DPP10: variants seen among roughly 807,000 people sequenced by gnomAD.
The protein encoded by DPP10 is dipeptidyl peptidase like 10, also known as inactive dipeptidyl peptidase 10.
In DPP10, 33 loss-of-function variants were observed where a neutral mutation model predicts 120.9. That is an observed-to-expected ratio of 0.27 (90% CI 0.21 to 0.37). DPP10 has a LOEUF of 0.37. Among genes scored for constraint, DPP10 ranks in the 10% least tolerant of loss-of-function variants. The probability of loss-of-function intolerance (pLI) is 1.00; values close to 1 mark genes in which losing one functional copy is unlikely to be tolerated. For missense variants in DPP10, 816 were observed against 942.8 expected (o/e 0.87, Z 1.76); for synonymous variants, 337 against 326.1 (o/e 1.03, Z -0.36).
At chr2:114,901,113 T>C (rs1693528362) in intron 1 of DPP10, among the ~76,000 whole-genome samples, 1 of 152,180 alleles carries the variant, frequency 6.6e-6, no homozygotes, top group Non-Finnish European at 1.5e-5. Context: ...AAATCAGTGA[T>C]GGTTTACAAA....
intron 3 of DPP10, among the ~76,000 whole-genome samples, chr2:115,354,781 A>G (rs1475043098): frequency 6.6e-6 from 1 of 151,218 alleles, no homozygotes; most frequent in African/African-American, 2.4e-5. Context: ...ACTCCCACTT[A>G]TGAGTGAGAA....
At chr2:114,942,370 T>TAC (rs1263621354) in intron 1 of DPP10, among the ~76,000 whole-genome samples, 1 of 85,468 alleles carries the variant, frequency 1.2e-5, no homozygotes, top group Non-Finnish European at 2.2e-5. Context: ...TACATATATA[T>TAC]ACACACACAT....
chr2:115,018,020 A>G (rs1411546971), intron 1 of DPP10, among the ~76,000 whole-genome samples: 2 of 152,044 alleles, frequency 1.3e-5, no homozygotes, highest in African/African-American at 4.8e-5. Flanking sequence ...AAAAAAAGAG[A>G]AAAACAACCC....
chr2:114,841,539 T>G (rs2222284), intron 1 of DPP10, among the ~76,000 whole-genome samples: 147,796 of 152,136 alleles, frequency 0.97, 71,942 homozygotes, highest in Middle Eastern at 1. Flanking sequence ...AGTCAGAGAA[T>G]GGGGAGAGAT....
intron 1 of DPP10, among the ~76,000 whole-genome samples, chr2:115,048,743 T>G (rs914361626): frequency 6.6e-6 from 1 of 152,122 alleles, no homozygotes; most frequent in African/African-American, 2.4e-5. Flanking sequence ...ATATGTATTC[T>G]CCTACACTTT....
At chr2:114,706,810 G>C (rs1281645784) in intron 1 of DPP10, among the ~76,000 whole-genome samples, 4 of 152,190 alleles carry the variant, frequency 2.6e-5, no homozygotes, top group Non-Finnish European at 5.9e-5. Flanking sequence ...TGGAGGAGCA[G>C]AGTTTCTAGG....
intron 1 of DPP10, among the ~76,000 whole-genome samples, chr2:114,499,953 T>C (rs1683014893): frequency 6.6e-6 from 1 of 152,228 alleles, no homozygotes; most frequent in African/African-American, 2.4e-5. Context: ...TCTGAGGAGC[T>C]AACTTTCACT....
intron 1 of DPP10, among the ~76,000 whole-genome samples, chr2:115,285,116 G>A (rs563044403): frequency 2.3e-4 from 35 of 152,140 alleles, no homozygotes; most frequent in Non-Finnish European, 4.1e-4. Flanking sequence ...CTGTGAATGA[G>A]AAAGCTAAGA....
intron 1 of DPP10, among the ~76,000 whole-genome samples, chr2:114,956,217 C>T (rs1053309359): frequency 3.9e-5 from 6 of 151,980 alleles, no homozygotes; most frequent in East Asian, 3.9e-4. Flanking sequence ...ACCACAAAAC[C>T]GTCAGAACTA....
At chr2:115,336,007 A>G (rs1329612956) in intron 2 of DPP10, among the ~76,000 whole-genome samples, 1 of 152,048 alleles carries the variant, frequency 6.6e-6, no homozygotes, top group African/African-American at 2.4e-5. Flanking sequence ...TTTGAATAGG[A>G]TTTAAATTAA....
chr2:114,686,823 C>G, intron 1 of DPP10, among the ~76,000 whole-genome samples: 1 of 151,916 alleles, frequency 6.6e-6, no homozygotes, highest in Admixed American at 6.6e-5. Flanking sequence ...AAGAGTCGTT[C>G]TATTTAACAT....
At chr2:114,602,418 A>G (rs1692448015) in intron 1 of DPP10, among the ~76,000 whole-genome samples, 1 of 151,904 alleles carries the variant, frequency 6.6e-6, no homozygotes, top group Non-Finnish European at 1.5e-5. Context: ...CCAATATTGG[A>G]ATATAAATTG....
intron 1 of DPP10, among the ~76,000 whole-genome samples, chr2:114,582,895 A>T (rs1690652558): frequency 1.3e-5 from 2 of 152,116 alleles, no homozygotes; most frequent in South Asian, 4.1e-4. Flanking sequence ...TACAGGTTTG[A>T]CTTGTGTACG....
In DPP10 at chr2:115,379,836, C is replaced by A. The variant is rs1453131548; in HGVS notation, c.271+35924C>A. On this transcript the variant is annotated intron_variant, in intron 3 of 25. Transcript: ENST00000410059. The stretch of plus-strand genomic sequence containing the variant: ...CCCAGTAGTCATTCAGGAGCAGGTT[C>A]TTCAGTTTCCATGGAGTTGAGCGGT... 2.0e-5 allele frequency among the ~76,000 whole-genome samples: 3 copies of A among 152,202 alleles called. No homozygotes were observed. In the East Asian group the frequency reaches 5.8e-4, roughly 29 times the overall value.
chr2:115,574,111 C>T (rs1233074112), intron 5 of DPP10, among the ~76,000 whole-genome samples: 1 of 152,090 alleles, frequency 6.6e-6, no homozygotes, highest in East Asian at 1.9e-4. Flanking sequence ...TCACTTCATT[C>T]TTCCCTCCAC....
At chr2:114,967,940 G>A (rs943167575) in intron 1 of DPP10, among the ~76,000 whole-genome samples, 2 of 152,018 alleles carry the variant, frequency 1.3e-5, no homozygotes, top group African/African-American at 4.8e-5. Context: ...TAGGCTTATC[G>A]AATAAAAATC....
intron 1 of DPP10, among the ~76,000 whole-genome samples, chr2:114,519,656 C>T (rs887889239): frequency 6.6e-6 from 1 of 152,126 alleles, no homozygotes; most frequent in African/African-American, 2.4e-5. Context: ...CATTATTAGC[C>T]CAGTTCTAAA....
intron 25 of DPP10, among the ~76,000 whole-genome samples, chr2:115,841,861 T>A (rs1325472182): frequency 6.6e-6 from 1 of 152,262 alleles, no homozygotes; most frequent in East Asian, 1.9e-4. Flanking sequence ...TGGAAAGTTT[T>A]CTAAACTAAA....
At position 115,007,155 on chromosome 2, in the gene DPP10, C is replaced by G. The variant is rs143967126; in HGVS notation, c.61-302084C>G. ...ACGAAATGAAGGCATCCTTGATGAA[C>G]ATTGATGCAAAAATCCTCAATAAAA... On this transcript the variant is annotated intron_variant, in intron 1 of 25. Coordinates refer to ENST00000410059, the MANE Select transcript of DPP10 (RefSeq NM_020868.6). 1.4e-3 allele frequency among the ~76,000 whole-genome samples: 217 copies of G among 152,242 alleles called. 4 individuals are homozygous for G. In the East Asian group the frequency reaches 0.037, roughly 26 times the overall value.
Sources: gnomAD v4.1 joint callset for allele counts (sites outside exome capture counted in the v4.1 genomes callset) on GRCh38, gnomAD v4.1.1 for gene constraint, MANE v1.5 for transcripts, NCBI Gene and HGNC (gene_info 2026-07-23, HGNC 2026-07-21) for gene names.